The following HKDC1 variants were observed in gnomAD, a reference collection of about 807,000 sequenced individuals.
HKDC1 encodes hexokinase domain containing 1.
Under a neutral mutation model 96.6 loss-of-function variants are expected in HKDC1, and 66 were observed. The observed-to-expected ratio is 0.68, with a 90% CI of 0.56 to 0.84. The LOEUF (loss-of-function observed/expected upper bound fraction) is 0.84, where lower values mean the gene tolerates loss of function less well. HKDC1 is among the 40% of genes least tolerant of loss of function. The pLI is 0.00. For missense variants in HKDC1, 1,211 were observed against 1,208.1 expected, an observed-to-expected ratio of 1.00 and a Z score of -0.04; for synonymous variants, 466 against 473.1, an observed-to-expected ratio of 0.98 and a Z score of 0.20.
intron 7 of HKDC1, among the ~76,000 whole-genome samples, chr10:69,245,826 G>A (rs1843531958): frequency 1.3e-5 from 2 of 152,170 alleles, no homozygotes; most frequent in Admixed American, 6.5e-5. Context: ...GTCGCATCAT[G>A]TTTGAGTGAT....
chr10:69,228,632 G>A (rs1362818335), intron 2 of HKDC1, among the ~76,000 whole-genome samples: 1 of 152,152 alleles, frequency 6.6e-6, no homozygotes, highest in Non-Finnish European at 1.5e-5. Flanking sequence ...TTGGGAGGCC[G>A]AGGGGGGCAG....
rs1162689826 is a variant in HKDC1, at chr10:69,227,136, C to T, written c.64-71C>T. On this transcript the variant is annotated intron_variant, in intron 1 of 17. Coordinates refer to ENST00000354624, the MANE Select transcript of HKDC1 (RefSeq NM_025130.4). ...AGGAATGCAGCTTGCTGAGGGATGT[C>T]GGGGGTTACAGCCTCGACTGGAGGG... 25 of 1,542,504 alleles carry T rather than the reference C, an allele frequency of 1.6e-5. No homozygotes were observed. The Middle Eastern group carries it at 5.3e-4, about 33-fold the overall frequency.
chr10:69,243,499 C>CATT, intron 7 of HKDC1, 134 bp downstream of exon 7: 1 of 520,060 alleles, frequency 1.9e-6, no homozygotes, highest in Non-Finnish European at 3.1e-6. Flanking sequence ...TTTCTTTTTC[C>CATT]TTTTTTTTTT....
rs909306084 is a variant in HKDC1 at position 69,266,542 on chromosome 10, T to A, written c.2607-68T>A. On this transcript the variant is annotated intron_variant, in intron 17 of 17. Coordinates refer to ENST00000354624, the MANE Select transcript of HKDC1 (RefSeq NM_025130.4). ...AGGGAAGAAGCTAAAGAAATTAGAT[T>A]ATGATCATTTATAAATGTTCTGATT... The A allele has an allele frequency of 3.3e-6, 5 of 1,524,790 alleles. No homozygotes were observed. In the East Asian group the frequency reaches 1.1e-4, roughly 35 times the overall value. 94.5% of individuals were successfully genotyped at this position (1,524,790 alleles called of 1,614,324 possible).
At position 69,228,974 on chromosome 10, in the gene HKDC1, A is replaced by C. The variant is rs1418481443; in HGVS notation, c.226+1605A>C. On this transcript the variant is annotated intron_variant, in intron 2 of 17. Coordinates refer to ENST00000354624, the MANE Select transcript of HKDC1 (RefSeq NM_025130.4). ...AAAGAAAGAGAAAGAAGAAAGAAAGAAAGCAAAGAAAAAGAAAGAAAGAAA... is the reference window on the plus strand; with the variant it reads ...AAAGAAAGAGAAAGAAGAAAGAAAGCAAGCAAAGAAAAAGAAAGAAAGAAA... Among the ~76,000 whole-genome samples the C allele has an allele frequency of 3.3e-5, 5 of 152,162 alleles. No homozygotes were observed. The East Asian group carries it at 7.7e-4, about 23-fold the overall frequency.
intron 12 of HKDC1, 53 bp downstream of exon 12, chr10:69,250,705 C>G: frequency 6.3e-7 from 1 of 1,599,572 alleles, no homozygotes; most frequent in South Asian, 1.1e-5. Context: ...CCTTCCTCTT[C>G]TGGGACCATC....
At chr10:69,262,729 C>T (rs1156590700) in intron 16 of HKDC1, among the ~76,000 whole-genome samples, 4 of 152,050 alleles carry the variant, frequency 2.6e-5, no homozygotes, top group African/African-American at 7.2e-5. Context: ...ACAGCAGCAG[C>T]GATTATGTAT....
intron 12 of HKDC1, among the ~76,000 whole-genome samples, chr10:69,254,200 G>T (rs1843685556): frequency 6.6e-6 from 1 of 152,150 alleles, no homozygotes; most frequent in African/African-American, 2.4e-5. Flanking sequence ...AGCTATTTGG[G>T]TGGCTGAGGC....
In HKDC1 at chr10:69,238,141, G is replaced by C. The variant is rs10998660; in HGVS notation, c.496-901G>C. On this transcript the variant is annotated intron_variant, in intron 4 of 17. Coordinates refer to ENST00000354624, the MANE Select transcript of HKDC1 (RefSeq NM_025130.4). ...TCTCTTTATTAAGAGACGAGGTCTC[G>C]CTATGTTGCCCAGGCAGGCCTGGAA... 6.8e-4 allele frequency among the ~76,000 whole-genome samples: 104 copies of C among 152,280 alleles called. 2 individuals carry two copies. The East Asian group carries it at 0.019, about 27-fold the overall frequency.
At chr10:69,243,437 C>T in intron 7 of HKDC1, 72 bp downstream of exon 7, 1 of 1,330,558 alleles carries the variant, frequency 7.5e-7, no homozygotes, top group Middle Eastern at 2.1e-4. Flanking sequence ...CCCTGGCTAC[C>T]TGGGAGGCTT....
intron 13 of HKDC1, 33 bp downstream of exon 13, chr10:69,257,164 T>C: frequency 6.3e-7 from 1 of 1,580,924 alleles, no homozygotes; most frequent in South Asian, 1.1e-5. Flanking sequence ...ATGCCTGCTC[T>C]TGCTGCCTTC....
intron 10 of HKDC1, 114 bp downstream of exon 10, chr10:69,248,842 G>C: frequency 1.1e-6 from 1 of 939,498 alleles, no homozygotes; most frequent in Non-Finnish European, 1.5e-6. Context: ...TCTAATGGAG[G>C]GCAAGAGTAA....
At chr10:69,248,910 A>T in intron 10 of HKDC1, 182 bp downstream of exon 10, 2 of 600,088 alleles carry the variant, frequency 3.3e-6, no homozygotes, top group South Asian at 2.5e-5. Flanking sequence ...AGGCATTTGC[A>T]GTAAAAACAA....
At chr10:69,233,449 A>C (rs1480972389) in intron 4 of HKDC1, among the ~76,000 whole-genome samples, 4 of 152,106 alleles carry the variant, frequency 2.6e-5, no homozygotes, top group African/African-American at 4.8e-5. Flanking sequence ...GTGGTTCTGC[A>C]AGGAGGCCCT....
Position 69,246,268 on chromosome 10 carries a change from G to A in HKDC1, c.1031+34G>A, listed in dbSNP as rs768652370. ...GTCCCTCTGCCTTGGCTCTGTGGAG[G>A]GCTGGGATGGGAGGCCCAGGTGTGG... On this transcript the variant is annotated intron_variant, in intron 8 of 17. Coordinates refer to ENST00000354624, the MANE Select transcript of HKDC1 (RefSeq NM_025130.4). 9.3e-6 allele frequency: 15 copies of A among 1,607,376 alleles called. No homozygotes were observed. The East Asian group carries it at 2.7e-4, about 29-fold the overall frequency.
At position 69,246,240 on chromosome 10, in the gene HKDC1, C is replaced by A; in HGVS notation, c.1031+6C>A. On this transcript the variant is annotated splice_donor_region_variant and intron_variant, in intron 8 of 17. Transcript: ENST00000354624. Reference sequence around the variant, plus strand: ...CACGTGGCTGCCATGGAGAAGTAAGCAAGTCCCTCTGCCTTGGCTCTGTGG... The same window carrying A: ...CACGTGGCTGCCATGGAGAAGTAAGAAAGTCCCTCTGCCTTGGCTCTGTGG... 6.2e-7 allele frequency: 1 copy of A among 1,613,248 alleles called. No homozygotes were observed. The highest frequency in any genetic ancestry group is 2.2e-5 in the East Asian group (1 of 44,880).
Position 69,257,056 on chromosome 10 carries a change from C to T in HKDC1, c.1857C>T (p.Thr619=), listed in dbSNP as rs755412595. The T allele has an allele frequency of 8.1e-6, 13 of 1,614,012 alleles. No homozygotes were observed. The highest frequency in any genetic ancestry group is 1.1e-5 in the Non-Finnish European group (13 of 1,179,940). ...SIDKGTLIGW[T]KGFKATDCEG... Reference sequence around the variant, plus strand: ...TTCAGGGAACACTCATAGGGTGGACCAAAGGTTTCAAGGCCACTGACTGTG... The same window carrying T: ...TTCAGGGAACACTCATAGGGTGGACTAAAGGTTTCAAGGCCACTGACTGTG... Residue 619 remains threonine (T), a synonymous_variant, in exon 13 of 18, where the codon ACC becomes ACT. Coordinates refer to ENST00000354624, the MANE Select transcript of HKDC1 (RefSeq NM_025130.4).
intron 7 of HKDC1, among the ~76,000 whole-genome samples, chr10:69,245,865 T>C (rs1450210547): frequency 6.6e-6 from 1 of 152,136 alleles, no homozygotes; most frequent in Non-Finnish European, 1.5e-5. Flanking sequence ...GTCTGTGAAA[T>C]TGAGAGTCCC....
chr10:69,241,457 G>C (rs1471640801), intron 6 of HKDC1, among the ~76,000 whole-genome samples: 1 of 152,150 alleles, frequency 6.6e-6, no homozygotes, highest in Non-Finnish European at 1.5e-5. Context: ...GACTCTGGGT[G>C]GGGGATGGAT....
Sources: gnomAD v4.1 joint callset for allele counts (sites outside exome capture counted in the v4.1 genomes callset) on GRCh38, gnomAD v4.1.1 for gene constraint, MANE v1.5 for transcripts, NCBI Gene and HGNC (gene_info 2026-07-23, HGNC 2026-07-21) for gene names.